UBA3: variants seen among roughly 807,000 people sequenced by gnomAD.
UBA3 encodes the protein ubiquitin like modifier activating enzyme 3.
A neutral mutation model predicts 73.5 loss-of-function variants in UBA3; 26 were observed. The ratio of observed to expected loss-of-function variants is 0.35; its 90% confidence interval spans 0.26 to 0.49. The LOEUF (loss-of-function observed/expected upper bound fraction) is 0.49. UBA3 is among the 20% of genes least tolerant of loss of function. The pLI, the probability that UBA3 is intolerant of heterozygous loss-of-function variation, is 0.98. For missense variants in UBA3, 495 were observed against 555.6 expected (o/e 0.89, Z 1.10); for synonymous variants, 217 against 191.2 (o/e 1.13, Z -1.11).
At chr3:69,079,690 A>C (rs1302899251) in intron 2 of UBA3, 1 of 188,364 alleles carries the variant, frequency 5.3e-6, no homozygotes, top group Non-Finnish European at 1.1e-5. Context: ...TATCATTAAA[A>C]GTTTGCAATT....
At chr3:69,057,447 A>G (rs2091983838) in intron 11 of UBA3, 138 bp from the exon 12 acceptor site, 1 of 742,414 alleles carries the variant, frequency 1.3e-6, no homozygotes, top group Non-Finnish European at 2.2e-6. Flanking sequence ...AAATTTAACC[A>G]TGAAACAATC....
At chr3:69,075,886 C>G (rs2092162267) in intron 3 of UBA3, among the ~76,000 whole-genome samples, 1 of 152,070 alleles carries the variant, frequency 6.6e-6, no homozygotes, top group African/African-American at 2.4e-5. Context: ...TGTGCACTAC[C>G]ACACCTGGCT....
rs753706785 is a variant in UBA3, at chr3:69,061,866, T to G, written c.858A>C (p.Leu286=). The G allele has an allele frequency of 1.2e-6, 2 of 1,612,030 alleles. No homozygotes were observed. Among genetic ancestry groups the G allele is most frequent in the East Asian group, 4.5e-5 (2 of 44,816 alleles). Residue 286 remains leucine (L), a synonymous_variant, in exon 11 of 18, where the codon CTA becomes CTC. Transcript: ENST00000361055. ...TAATATTATATTGTGATGCTCTCTC[T>G]AGGGATTTTTGGAAAATCCATTGTA... ...EHIQWIFQKS[L]ERASQYNIRG...
In UBA3 at chr3:69,056,031, A is replaced by C. The variant is rs1458156639; in HGVS notation, c.1217T>G (p.Leu406Arg). The C allele has an allele frequency of 6.2e-7, 1 of 1,606,054 alleles. No individual in the cohort carries two copies. Among genetic ancestry groups the C allele is most frequent in the East Asian group, 2.2e-5 (1 of 44,744 alleles). ...QMKSPAITAT[L>R]EGKNRTLYLQ... ...GTAAAGTGTTCTATTTTTTCCCTCT[A>C]GGGTGGCTGTGATGGCTGGAGATTT... is the stretch of plus-strand genomic sequence containing the variant. The change falls in exon 16 of 18, where the codon CTA (leucine) becomes CGA (arginine). Residue 406 changes from leucine to arginine, a missense_variant. Leu to Arg is a moderately radical substitution (Grantham distance 102). Coordinates refer to ENST00000361055, the MANE Select transcript of UBA3 (RefSeq NM_003968.4).
At chr3:69,079,760 G>A (rs1575852175) in intron 2 of UBA3, 1 of 301,672 alleles carries the variant, frequency 3.3e-6, no homozygotes, top group East Asian at 7.1e-5. Flanking sequence ...CTTTTCCTGT[G>A]TGTTTAAGGT....
intron 11 of UBA3, among the ~76,000 whole-genome samples, chr3:69,057,676 G>C (rs994272991): frequency 1.8e-4 from 27 of 152,108 alleles, no homozygotes; most frequent in African/African-American, 6.3e-4. Context: ...AGAAAAGTGA[G>C]ACTGAGAGAA....
intron 6 of UBA3, among the ~76,000 whole-genome samples, chr3:69,065,617 A>T (rs972578348): frequency 6.6e-6 from 1 of 152,066 alleles, no homozygotes. Flanking sequence ...TAATTTTTCT[A>T]GTTTTTACAG....
chr3:69,060,432 A>G (rs1383420520), intron 11 of UBA3, among the ~76,000 whole-genome samples: 1 of 152,236 alleles, frequency 6.6e-6, no homozygotes, highest in Non-Finnish European at 1.5e-5. Context: ...GTAAACAAAA[A>G]AACAACAACA....
At chr3:69,073,499 T>C (rs1358843543) in intron 4 of UBA3, among the ~76,000 whole-genome samples, 1 of 152,222 alleles carries the variant, frequency 6.6e-6, no homozygotes, top group African/African-American at 2.4e-5. Context: ...TACTTTTTCA[T>C]TCAACTAAAA....
At chr3:69,074,217 A>T (rs952816694) in intron 4 of UBA3, among the ~76,000 whole-genome samples, 42 of 152,310 alleles carry the variant, frequency 2.8e-4, no homozygotes, top group Admixed American at 1.3e-3. Flanking sequence ...TACATTTATA[A>T]TACCTAACAA....
At position 69,057,320 on chromosome 3, in the gene UBA3, A is replaced by G. The variant is rs776887003; in HGVS notation, c.911-11T>C. ...TTCTTTTTACTACCCCTGAAAAAAC[A>G]TATCAATTAAAATATGGTCATTTCT... On this transcript the variant is annotated splice_polypyrimidine_tract_variant and intron_variant, in intron 11 of 17. Coordinates refer to ENST00000361055, the MANE Select transcript of UBA3 (RefSeq NM_003968.4). The G allele has an allele frequency of 1.9e-6, 3 of 1,606,236 alleles. No homozygotes were observed. Among genetic ancestry groups the G allele is most frequent in the South Asian group, 2.2e-5 (2 of 89,430 alleles).
intron 3 of UBA3, among the ~76,000 whole-genome samples, chr3:69,075,730 C>CTTTTTTTTTTTTTTTTTTTTTT (rs60272924): frequency 6.7e-6 from 1 of 149,600 alleles, no homozygotes; most frequent in Non-Finnish European, 1.5e-5. Context: ...GTTAATTTTT[C>CTTTTTTTTTTTTTTTTTTTTTT]TTTTTTTTTT....
Position 69,062,987 on chromosome 3 carries a change from G to C in UBA3, c.688C>G (p.Pro230Ala). ...GCAGGTGCTTTTTTGATTACCTGTG[G>C]TGGATAAAGTTCCAGCGTGCATTCG... is the stretch of plus-strand genomic sequence containing the variant. ...CIECTLELYP[P>A]QVNFPMCTIA... Residue 230 changes from proline to alanine, a missense_variant, in exon 9 of 18, where the codon CCA (proline) becomes GCA (alanine). Coordinates refer to ENST00000361055, the MANE Select transcript of UBA3 (RefSeq NM_003968.4). 1 of 1,613,804 alleles carries C rather than the reference G, an allele frequency of 6.2e-7. No homozygotes were observed. The highest frequency in any genetic ancestry group is 8.5e-7 in the Non-Finnish European group (1 of 1,179,868).
rs764381187 is a variant in UBA3 at position 69,080,297 on chromosome 3, G to A, written c.20+37C>T. 3.1e-6 allele frequency: 5 copies of A among 1,602,810 alleles called. No individual in the cohort carries two copies. In the Admixed American group the frequency reaches 5.0e-5, roughly 16 times the overall value. ...CACCGCCGCGCTCTCTCACAACCCA[G>A]CCCAGCCCGGCGCGTCTGCAGAGCC... On this transcript the variant is annotated intron_variant, in intron 1 of 17. Coordinates refer to ENST00000361055, the MANE Select transcript of UBA3 (RefSeq NM_003968.4).
intron 2 of UBA3, 200 bp downstream of exon 2, chr3:69,079,912 G>A: frequency 1.8e-6 from 1 of 545,644 alleles, no homozygotes; most frequent in Non-Finnish European, 3.2e-6. Flanking sequence ...TGGCCCCGAC[G>A]CCCGCACCGG....
intron 2 of UBA3, 114 bp downstream of exon 2, chr3:69,079,998 G>A: frequency 3.0e-6 from 3 of 988,084 alleles, no homozygotes; most frequent in Middle Eastern, 3.4e-4. Flanking sequence ...CGCGGCCTGC[G>A]CTCCGGGTGT....
At chr3:69,074,234 A>G (rs536352473) in intron 4 of UBA3, among the ~76,000 whole-genome samples, 63 of 152,300 alleles carry the variant, frequency 4.1e-4, no homozygotes, top group African/African-American at 1.5e-3. Context: ...ACAAAAACCA[A>G]TGCCCATCCT....
At chr3:69,073,696 T>C (rs931313039) in intron 4 of UBA3, among the ~76,000 whole-genome samples, 1 of 150,778 alleles carries the variant, frequency 6.6e-6, no homozygotes, top group Non-Finnish European at 1.5e-5. Flanking sequence ...AGTGCAGTGG[T>C]GTGATCTCGG....
intron 2 of UBA3, 111 bp downstream of exon 2, chr3:69,080,001 C>G: frequency 9.7e-7 from 1 of 1,027,718 alleles, no homozygotes; most frequent in Non-Finnish European, 1.4e-6. Context: ...GGCCTGCGCT[C>G]CGGGTGTCCC....
Sources: gnomAD v4.1 joint callset for allele counts (sites outside exome capture counted in the v4.1 genomes callset) on GRCh38, gnomAD v4.1.1 for gene constraint, MANE v1.5 for transcripts, NCBI Gene and HGNC (gene_info 2026-07-23, HGNC 2026-07-21) for gene names.